The following DICER1 variants were observed in gnomAD, a reference collection of about 807,000 sequenced individuals.
DICER1 encodes dicer 1, ribonuclease III.
In DICER1, 43 loss-of-function variants were observed where a neutral mutation model predicts 194.1. The ratio of observed to expected loss-of-function variants is 0.22; its 90% CI spans 0.17 to 0.29. DICER1 has a LOEUF of 0.29. Among genes scored for constraint, DICER1 ranks in the 10% least tolerant of loss-of-function variants. The pLI is 1.00. For synonymous variants in DICER1, 832 were observed against 820.5 expected (o/e 1.01, Z -0.24); for missense variants, 1,608 against 2,317.0 (o/e 0.69, Z 6.28).
At position 95,133,382 on chromosome 14, in the gene DICER1, G is replaced by A. The variant is rs201358110; in HGVS notation, c.77C>T (p.Pro26Leu). Residue 26 changes from proline to leucine, a missense_variant, in exon 2 of 27, where the codon CCT becomes CTT. Coordinates refer to ENST00000343455, the MANE Select transcript of DICER1 (RefSeq NM_177438.3). Reference sequence around the variant, plus strand: ...TTGTTGCCATGGCAGTCCAAAGAAAGGACCCATTGGTGAGGAAGCAGGGGT... The same window carrying A: ...TTGTTGCCATGGCAGTCCAAAGAAAAGACCCATTGGTGAGGAAGCAGGGGT... Reference protein sequence around the residue: ...LMTPASSPMGPFFGLPWQQEA... With the variant: ...LMTPASSPMGLFFGLPWQQEA... 1.4e-5 allele frequency: 23 copies of A among 1,614,130 alleles called. No homozygotes were observed. The Admixed American group carries it at 3.8e-4, about 27-fold the overall frequency.
intron 6 of DICER1, among the ~76,000 whole-genome samples, chr14:95,128,863 T>A (rs1385730006): frequency 6.6e-6 from 1 of 152,212 alleles, no homozygotes; most frequent in African/African-American, 2.4e-5. Flanking sequence ...TTGACATAAA[T>A]CGAATTCATT....
At position 95,137,601 on chromosome 14, in the gene DICER1, G is replaced by A. The variant is rs1894504528; in HGVS notation, c.-45-4098C>T. On this transcript the variant is annotated intron_variant, in intron 1 of 26. Transcript: ENST00000343455. The stretch of plus-strand genomic sequence containing the variant: ...GGGAAGGGGAAAGGAAAAAAGTCAG[G>A]GATCAAAGCAGAAAGCCATCAGGCC... Among the ~76,000 whole-genome samples, 4 of 152,172 alleles carry A rather than the reference G, an allele frequency of 2.6e-5. No homozygotes were observed. The South Asian group carries it at 8.3e-4, about 32-fold the overall frequency.
chr14:95,137,298 A>C (rs1379930285), intron 1 of DICER1, among the ~76,000 whole-genome samples: 2 of 137,486 alleles, frequency 1.5e-5, no homozygotes, highest in African/African-American at 5.4e-5. Context: ...GAAAGGCAAA[A>C]GAAAAAGGAA....
At chr14:95,115,954 G>A in intron 10 of DICER1, 133 bp from the exon 11 acceptor site, 1 of 859,026 alleles carries the variant, frequency 1.2e-6, no homozygotes, top group Non-Finnish European at 1.9e-6. Context: ...GTACTCCAAA[G>A]TAACCTGCTG....
rs562671192 is a variant in DICER1, at chr14:95,123,532, C to T, written c.1376+664G>A. ...CTGCCTCCCAGGCTCAACTCATCTT[C>T]CCACCACAGCCTCCCAAGTAGCTGG... On this transcript the variant is annotated intron_variant, in intron 8 of 26. Coordinates refer to ENST00000343455, the MANE Select transcript of DICER1 (RefSeq NM_177438.3). 1.9e-4 allele frequency among the ~76,000 whole-genome samples: 29 copies of T among 152,290 alleles called. No homozygotes were observed. The South Asian group carries it at 6.0e-3, about 32-fold the overall frequency.
In DICER1 at chr14:95,126,741, A is replaced by T. The variant is rs759633210; in HGVS notation, c.742T>A (p.Ser248Thr). The change falls in exon 7 of 27, where the codon TCT becomes ACT. Residue 248 changes from serine to threonine, a missense_variant. Around this residue, in one of 10 missense-constraint regions of DICER1, gnomAD observed 657 missense variants for 910.1 expected, o/e 0.72. Transcript: ENST00000343455. The part of the protein sequence containing the change: ...TDLVVLDRYT[S>T]QPCEIVVDCG... Reference sequence around the variant, plus strand: ...TCCACCACAATCTCACATGGCTGAGAAGTATACCTTTAACATAAGAAACAA... The same window carrying T: ...TCCACCACAATCTCACATGGCTGAGTAGTATACCTTTAACATAAGAAACAA... The T allele has an allele frequency of 3.1e-6, 5 of 1,608,526 alleles. No individual in the cohort carries two copies. The highest frequency in any genetic ancestry group is 3.4e-6 in the Non-Finnish European group (4 of 1,175,216).
intron 22 of DICER1, among the ~76,000 whole-genome samples, chr14:95,097,036 C>T (rs1027842845): frequency 2.0e-5 from 3 of 152,140 alleles, no homozygotes; most frequent in African/African-American, 7.2e-5. Context: ...TCAACTAAGT[C>T]GTCTAACTCT....
chr14:95,086,844 T>C lies in DICER1; in HGVS notation c.*3654A>G, dbSNP rs1889373942. On this transcript the variant is annotated 3_prime_UTR_variant, in exon 27 of 27. Coordinates refer to ENST00000343455, the MANE Select transcript of DICER1 (RefSeq NM_177438.3). ...TAAATTCCTGAAAAGTAATCAGTGG[T>C]TGGAAAAATATAATTATTCAAATGT... The C allele has an allele frequency of 4.3e-6, 1 of 232,514 alleles. No individual in the cohort carries two copies. Among genetic ancestry groups the C allele is most frequent in the Non-Finnish European group, 8.5e-6 (1 of 117,658 alleles). 14.4% of individuals were successfully genotyped at this position (232,514 alleles called of 1,614,324 possible). A position where few individuals can be genotyped will look rare whatever the true frequency, so the allele number is the denominator to read the frequency against.
chr14:95,141,092 T>A (rs150725012), intron 1 of DICER1: 1 of 151,876 alleles, frequency 6.6e-6, no homozygotes, highest in Non-Finnish European at 1.5e-5. Flanking sequence ...ATGAAAAAAA[T>A]AGCTATTATT....
chr14:95,109,050 C>A (rs1175260873), intron 14 of DICER1, among the ~76,000 whole-genome samples: 1 of 152,082 alleles, frequency 6.6e-6, no homozygotes, highest in Non-Finnish European at 1.5e-5. Context: ...AATCACACAA[C>A]ACTGGTGTAT....
intron 23 of DICER1, among the ~76,000 whole-genome samples, chr14:95,095,133 C>G (rs1890194452): frequency 6.6e-6 from 1 of 152,160 alleles, no homozygotes; most frequent in South Asian, 2.1e-4. Flanking sequence ...TTATACTTTG[C>G]TTTGGTGTTC....
In DICER1 at chr14:95,090,673, A is replaced by T. The variant is rs1889716043; in HGVS notation, c.5604-10T>A. On this transcript the variant is annotated splice_polypyrimidine_tract_variant and intron_variant, in intron 26 of 26. Coordinates refer to ENST00000343455, the MANE Select transcript of DICER1 (RefSeq NM_177438.3). ...AGTTCTCTCAGCCGGGCTGTAAAAA[A>T]TCCAAACAGCTTGAATTAGAAGTCA... 1.2e-6 allele frequency: 2 copies of T among 1,613,998 alleles called. No homozygotes were observed. Among genetic ancestry groups the T allele is most frequent in the African/African-American group, 1.3e-5 (1 of 74,926 alleles).
In DICER1 at chr14:95,103,970, AGAG is replaced by A; in HGVS notation, c.3423_3425del (p.Ser1142del). ...CAGACATTTGGTCATGATTTTCTAGAGAGGAGGTTCTATTAGCACCTTGATGTG... is the reference window on the plus strand; with the variant it reads ...CAGACATTTGGTCATGATTTTCTAGAGAGGTTCTATTAGCACCTTGATGTG... On this transcript the variant is annotated inframe_deletion, in exon 21 of 27. Transcript: ENST00000343455. 2 of 1,614,162 alleles carry A rather than the reference AGAG, an allele frequency of 1.2e-6. No individual in the cohort carries two copies. The highest frequency in any genetic ancestry group is 1.7e-6 in the Non-Finnish European group (2 of 1,180,022).
chr14:95,134,420 T>G (rs968056569), intron 1 of DICER1: 1 of 152,236 alleles, frequency 6.6e-6, no homozygotes, highest in Admixed American at 6.5e-5. Context: ...CTGGCTTTAC[T>G]GTCAGCAGGA....
intron 7 of DICER1, among the ~76,000 whole-genome samples, chr14:95,126,049 A>G (rs1893429198): frequency 6.6e-6 from 1 of 150,836 alleles, no homozygotes; most frequent in Non-Finnish European, 1.5e-5. Context: ...AATGAATCAG[A>G]TTACTGGAGG....
In DICER1 at chr14:95,088,235, T is replaced by A. The variant is rs941943577; in HGVS notation, c.*2263A>T. ...ACCTAATCATGTCTAAGTTTGAACATCTTAGTATTAACAAAAAAATACTCT... is the reference window on the plus strand; with the variant it reads ...ACCTAATCATGTCTAAGTTTGAACAACTTAGTATTAACAAAAAAATACTCT... On this transcript the variant is annotated 3_prime_UTR_variant, in exon 27 of 27. Transcript: ENST00000343455. 6 of 232,212 alleles carry A rather than the reference T, an allele frequency of 2.6e-5. No individual in the cohort carries two copies. Among genetic ancestry groups the A allele is most frequent in the African/African-American group, 1.1e-4 (5 of 45,358 alleles). The allele number at this position is 232,212 out of a possible 1,614,324, so 14.4% of individuals were successfully genotyped here.
In DICER1 at chr14:95,130,121, G is replaced by A. The variant is rs1566811753; in HGVS notation, c.510C>T (p.Asn170=). Reference sequence around the variant, plus strand: ...GATGACACTCATCAAACACCAAAAGGTTAATGTCTGACAGTGATAAGTAAC... The same window carrying A: ...GATGACACTCATCAAACACCAAAAGATTAATGTCTGACAGTGATAAGTAAC... ...KNGYLSLSDI[N]LLVFDECHLA... is the part of the protein sequence containing the mutation. Residue 170 remains asparagine, a synonymous_variant, in exon 5 of 27, where the codon AAC becomes AAT. Transcript: ENST00000343455. 2 of 1,613,290 alleles carry A rather than the reference G, an allele frequency of 1.2e-6. No homozygotes were observed. Among genetic ancestry groups the A allele is most frequent in the South Asian group, 1.1e-5 (1 of 91,060 alleles).
rs1185349806 is a variant in DICER1, at chr14:95,106,641, A to C, written c.2805-418T>G. On this transcript the variant is annotated intron_variant, in intron 17 of 26. Coordinates refer to ENST00000343455, the MANE Select transcript of DICER1 (RefSeq NM_177438.3). ...ATCTATGATAGTGATGGTCCTGATAACTAACATTTAAAATATGGTTTTGAG... is the reference window on the plus strand; with the variant it reads ...ATCTATGATAGTGATGGTCCTGATACCTAACATTTAAAATATGGTTTTGAG... Among the ~76,000 whole-genome samples, 4 of 152,096 alleles carry C rather than the reference A, an allele frequency of 2.6e-5. No individual in the cohort carries two copies. The East Asian group carries it at 7.7e-4, about 29-fold the overall frequency.
chr14:95,118,624 T>A (rs1253629989), intron 8 of DICER1, among the ~76,000 whole-genome samples: 1 of 152,072 alleles, frequency 6.6e-6, no homozygotes, highest in Non-Finnish European at 1.5e-5. Context: ...GTGCAGAAGG[T>A]TAACAGTTAG....
Sources: allele counts gnomAD v4.1 joint callset (sites outside exome capture counted in the v4.1 genomes callset), GRCh38; gene constraint gnomAD v4.1.1; regional missense constraint gnomAD v4.1.1; transcripts MANE v1.5; gene names NCBI Gene and HGNC (gene_info 2026-07-23, HGNC 2026-07-21).